Variants in PRAMEF20 observed in about 807,000 individuals in gnomAD.
PRAMEF20 encodes the protein PRAME family member 20/21.
In PRAMEF20, 27 loss-of-function variants were observed where a neutral mutation model predicts 32.4. The observed-to-expected ratio is 0.83, with a 90% CI of 0.61 to 1.15. The LOEUF (loss-of-function observed/expected upper bound fraction) is 1.15, where lower values mean the gene tolerates loss of function less well. Among genes scored for constraint, PRAMEF20 ranks in the 50% most tolerant of loss-of-function variants. The probability of loss-of-function intolerance (pLI) is 0.00; values close to 1 mark genes in which losing one functional copy is unlikely to be tolerated. For synonymous variants in PRAMEF20, 256 were observed against 235.4 expected, an observed-to-expected ratio of 1.09 and a Z score of -0.80; for missense variants, 604 against 584.5, an observed-to-expected ratio of 1.03 and a Z score of -0.34.
chr1:13,419,679 C>T (rs1480382132), intron 2 of PRAMEF20, among the ~76,000 whole-genome samples: 1 of 152,010 alleles, frequency 6.6e-6, no homozygotes, highest in African/African-American at 2.4e-5. Context: ...CCGCCTCGGC[C>T]TCCCAAAATG....
chr1:13,413,975 T>C (rs1049198972), upstream of PRAMEF20, among the ~76,000 whole-genome samples: 273 of 152,276 alleles, frequency 1.8e-3, no homozygotes, highest in Middle Eastern at 6.8e-3. Flanking sequence ...TCCCCAAAAT[T>C]TTGATTTATG....
At position 13,417,110 on chromosome 1, in the gene PRAMEF20, G is replaced by A. The variant is rs967686957; in HGVS notation, c.287+469G>A. Among the ~76,000 whole-genome samples, 21 of 152,244 alleles carry A rather than the reference G, an allele frequency of 1.4e-4. 1 individual carries two copies. The highest frequency in any genetic ancestry group is 3.9e-4 in the East Asian group (2 of 5,170). On this transcript the variant is annotated intron_variant, in intron 1 of 2. Coordinates refer to ENST00000602960, the Ensembl canonical transcript of PRAMEF20. ...GATGGCACGGACCCAAAGAGTGAGCGGTAGCAAGGTTTATGGTGAAGAGCA... is the reference window on the plus strand; with the variant it reads ...GATGGCACGGACCCAAAGAGTGAGCAGTAGCAAGGTTTATGGTGAAGAGCA...
At chr1:13,413,176 T>C (rs917153534), upstream of PRAMEF20, among the ~76,000 whole-genome samples, 409 of 152,294 alleles carry the variant, frequency 2.7e-3, 1 homozygote, top group African/African-American at 8.8e-3. Context: ...GGACATATAT[T>C]AGTAAAATTC....
In PRAMEF20 at chr1:13,416,391, G is replaced by T. The variant is rs2100432281; in HGVS notation, c.37G>T (p.Ala13Ser). The change falls in exon 1 of 3, where the codon GCG (alanine) becomes TCG (serine). Residue 13 changes from alanine to serine, a missense_variant. Coordinates refer to ENST00000602960, the Ensembl canonical transcript of PRAMEF20. ...GACTCCACCCAGACTCCTGGAGCTG[G>T]CGGGGCGGAGCCTGCTGAGGGACGA... The T allele has an allele frequency of 1.2e-6, 2 of 1,613,486 alleles. No individual in the cohort carries two copies. The highest frequency in any genetic ancestry group is 2.2e-5 in the South Asian group (2 of 91,050).
At chr1:13,411,798 C>T (rs1569862514), upstream of PRAMEF20, among the ~76,000 whole-genome samples, 1 of 152,290 alleles carries the variant, frequency 6.6e-6, no homozygotes, top group Non-Finnish European at 1.5e-5. Flanking sequence ...GTACAGAATT[C>T]TCTCTTTATC....
intron 2 of PRAMEF20, among the ~76,000 whole-genome samples, chr1:13,419,515 G>A (rs1045635936): frequency 6.6e-6 from 1 of 151,884 alleles, no homozygotes; most frequent in African/African-American, 2.4e-5. Context: ...TTATTGCCCA[G>A]GGTTCACGCC....
intron 1 of PRAMEF20, among the ~76,000 whole-genome samples, chr1:13,417,602 C>CAA (rs573298826): frequency 8.1e-6 from 1 of 123,726 alleles, no homozygotes; most frequent in Non-Finnish European, 1.7e-5. Context: ...GACTCTGTCT[C>CAA]AAAAAAAAAA....
intron 1 of PRAMEF20, among the ~76,000 whole-genome samples, chr1:13,417,229 C>T (rs1641186060): frequency 6.6e-6 from 1 of 152,128 alleles, no homozygotes; most frequent in Non-Finnish European, 1.5e-5. Flanking sequence ...GGTCCCCTCC[C>T]ATGTTCCATT....
At chr1:13,417,758 C>T (rs1162176272) in intron 1 of PRAMEF20, among the ~76,000 whole-genome samples, 1 of 127,876 alleles carries the variant, frequency 7.8e-6, no homozygotes, top group East Asian at 2.6e-4. Flanking sequence ...TTTTCTGAGA[C>T]GGAGTCTTGC....
At chr1:13,416,685 A>C (rs960256535) in intron 1 of PRAMEF20, 44 bp downstream of exon 2, 5 of 1,613,444 alleles carry the variant, frequency 3.1e-6, no homozygotes, top group Non-Finnish European at 4.2e-6. Context: ...CCAGGTGTCC[A>C]ACAGAAGGAA....
chr1:13,415,718 A>G (rs1283933443), upstream of PRAMEF20, among the ~76,000 whole-genome samples: 1 of 140,908 alleles, frequency 7.1e-6, no homozygotes, highest in African/African-American at 2.6e-5. Flanking sequence ...TGAGCCTGGG[A>G]GGTCCAGGCT....
chr1:13,417,294 G>C (rs1641186842), intron 1 of PRAMEF20, among the ~76,000 whole-genome samples: 1 of 152,004 alleles, frequency 6.6e-6, no homozygotes, highest in South Asian at 2.1e-4. Context: ...GCTACTTTTA[G>C]AATCCTGCTG....
chr1:13,415,343 A>G (rs1557475815), upstream of PRAMEF20, among the ~76,000 whole-genome samples: 1 of 152,124 alleles, frequency 6.6e-6, no homozygotes, highest in African/African-American at 2.4e-5. Flanking sequence ...CGGCCTCTCA[A>G]AGTGCTGGGA....
At chr1:13,414,375 T>C (rs1641142840), upstream of PRAMEF20, among the ~76,000 whole-genome samples, 1 of 152,160 alleles carries the variant, frequency 6.6e-6, no homozygotes, top group Admixed American at 6.6e-5. Context: ...ACATTTTAAA[T>C]ACATATTTTG....
the PRAMEF20 span, among the ~76,000 whole-genome samples, chr1:13,411,002 C>T: frequency 2.0e-5 from 3 of 151,964 alleles, no homozygotes; most frequent in South Asian, 4.2e-4. Context: ...GGATTACAGC[C>T]GCCTGCCACT....
exon 2 of PRAMEF20, chr1:13,418,259 G>C: frequency 6.2e-7 from 1 of 1,613,870 alleles, no homozygotes; most frequent in South Asian, 1.1e-5. Context: ...CCAAGGATGA[G>C]AGGACAGCAG....
At chr1:13,420,746 T>C in exon 3 of PRAMEF20, 1 of 1,613,932 alleles carries the variant, frequency 6.2e-7, no homozygotes. Flanking sequence ...CTGTGTGCTT[T>C]TGGAATCAGA....
At chr1:13,418,479 T>A in exon 2 of PRAMEF20, 1 of 1,613,892 alleles carries the variant, frequency 6.2e-7, no homozygotes, top group South Asian at 1.1e-5. Context: ...TGAATTGCAA[T>A]TGGACACTGC....
At chr1:13,417,951 T>TGTGTGTGTGTGTGTGTGTGTGTGTGC (rs1557476949) in intron 1 of PRAMEF20, among the ~76,000 whole-genome samples, 171 bp from the exon 3 acceptor site, 4 of 147,532 alleles carry the variant, frequency 2.7e-5, no homozygotes, top group African/African-American at 1.0e-4. Context: ...TGTGTGTGTG[T>TGTGTGTGTGTGTGTGTGTGTGTGTGC]GTTTAGTAGA....
Sources: gnomAD v4.1 joint callset for allele counts (sites outside exome capture counted in the v4.1 genomes callset) on GRCh38, gnomAD v4.1.1 for gene constraint, MANE v1.5 for transcripts, NCBI Gene and HGNC (gene_info 2026-07-23, HGNC 2026-07-21) for gene names.